PCDHGA1: variants seen among roughly 807,000 people sequenced by gnomAD.
The protein encoded by PCDHGA1 is protocadherin gamma subfamily A, 1, also known as protocadherin gamma-A1.
A neutral mutation model predicts 58.0 loss-of-function variants in PCDHGA1; 32 were observed. The observed-to-expected ratio is 0.55, with a 90% CI of 0.42 to 0.74. The LOEUF (loss-of-function observed/expected upper bound fraction) is 0.74, where lower values mean the gene tolerates loss of function less well. Among genes scored for constraint, PCDHGA1 ranks in the 30% least tolerant of loss-of-function variants. The pLI, the probability that PCDHGA1 is intolerant of heterozygous loss-of-function variation, is 0.00. For synonymous variants in PCDHGA1, 498 were observed against 501.1 expected, an observed-to-expected ratio of 0.99 and a Z score of 0.08; for missense variants, 1,205 against 1,182.3, an observed-to-expected ratio of 1.02 and a Z score of -0.28.
chr5:141,403,832 C>T (rs374600582), intron 1 of PCDHGA1: 1 of 1,613,684 alleles, frequency 6.2e-7, no homozygotes, highest in Non-Finnish European at 8.5e-7. Context: ...GCTATTCCAG[C>T]TTAATGAAAA....
In PCDHGA1 at chr5:141,430,937, G is replaced by C. The variant is rs888990395; in HGVS notation, c.2422-63870G>C. ...CCTGGGGCTGGAGCCCCGGGAGCTC[G>C]CGGAGCGCGGAGTCCGCATCATCCC... On this transcript the variant is annotated intron_variant, in intron 1 of 3. Coordinates refer to ENST00000517417, the MANE Select transcript of PCDHGA1 (RefSeq NM_018912.3). The C allele has an allele frequency of 8.7e-6, 14 of 1,607,498 alleles. No individual in the cohort carries two copies. The highest frequency in any genetic ancestry group is 1.7e-5 in the Admixed American group (1 of 58,732).
intron 2 of PCDHGA1, 91 bp from the exon 3 acceptor site, chr5:141,505,302 G>C: frequency 6.3e-7 from 1 of 1,592,714 alleles, no homozygotes. Context: ...TAGGGTTAGG[G>C]TACTAGGTTT....
At chr5:141,394,159 C>T in intron 1 of PCDHGA1, 1 of 1,613,916 alleles carries the variant, frequency 6.2e-7, no homozygotes, top group Non-Finnish European at 8.5e-7. Context: ...AACGACAACC[C>T]TCCTACTTTC....
chr5:141,358,686 G>T (rs896155075), intron 1 of PCDHGA1, among the ~76,000 whole-genome samples: 1 of 152,120 alleles, frequency 6.6e-6, no homozygotes, highest in Non-Finnish European at 1.5e-5. Flanking sequence ...TGCTTATCAT[G>T]ACATCACTAT....
At chr5:141,413,318 T>C in intron 1 of PCDHGA1, 1 of 1,613,968 alleles carries the variant, frequency 6.2e-7, no homozygotes, top group Non-Finnish European at 8.5e-7. Flanking sequence ...AAAGGCTCTT[T>C]CGTGGGCAAC....
rs199514730 is a variant in PCDHGA1 at position 141,374,139 on chromosome 5, T to C, written c.2421+41034T>C. 615 of 1,609,262 alleles carry C rather than the reference T, an allele frequency of 3.8e-4. No individual in the cohort carries two copies. Among genetic ancestry groups the C allele is most frequent in the Non-Finnish European group, 4.6e-4 (547 of 1,177,006 alleles). ...AGCGAGCAGGTCCTGCTCCTCACGC[T>C]CCTGGGGACGCTGTGGGGGGCCGCG... On this transcript the variant is annotated intron_variant, in intron 1 of 3. Transcript: ENST00000517417.
chr5:141,379,889 C>CTTTTTGTTTTTTTTTTTTT (rs1775944261), intron 1 of PCDHGA1, among the ~76,000 whole-genome samples: 1 of 50,830 alleles, frequency 2.0e-5, no homozygotes, highest in Non-Finnish European at 3.9e-5. Flanking sequence ...GTGAAAGCCT[C>CTTTTTGTTTTTTTTTTTTT]TTTTTTTTTT....
At chr5:141,374,860 A>C in intron 1 of PCDHGA1, 1 of 1,613,772 alleles carries the variant, frequency 6.2e-7, no homozygotes, top group East Asian at 2.2e-5. Context: ...CAGTAGGCAC[A>C]CCAGTGTTGG....
chr5:141,339,535 G>C (rs1244799590), intron 1 of PCDHGA1: 5 of 1,614,080 alleles, frequency 3.1e-6, no homozygotes, highest in Non-Finnish European at 4.2e-6. Flanking sequence ...GAGCTGATGG[G>C]AACAAGTACC....
At chr5:141,352,028 G>C (rs1433594846) in intron 1 of PCDHGA1, 1 of 1,609,284 alleles carries the variant, frequency 6.2e-7, no homozygotes, top group Non-Finnish European at 8.5e-7. Context: ...GGTGGTGGCG[G>C]TGGACGCAGA....
chr5:141,352,099 C>A, intron 1 of PCDHGA1: 1 of 1,605,968 alleles, frequency 6.2e-7, no homozygotes, highest in South Asian at 1.1e-5. Flanking sequence ...CCGGGCTCTT[C>A]AGCCTGGGGT....
At chr5:141,398,827 G>A in intron 1 of PCDHGA1, 1 of 1,613,982 alleles carries the variant, frequency 6.2e-7, no homozygotes, top group East Asian at 2.2e-5. Flanking sequence ...CCAGGTAACC[G>A]ACGCCAATGA....
chr5:141,331,354 G>A lies in PCDHGA1; in HGVS notation c.670G>A (p.Gly224Arg), dbSNP rs1483435682. Residue 224 changes from glycine (G) to arginine (R), a missense_variant, in exon 1 of 4, where the codon GGG becomes AGG. Transcript: ENST00000517417. ...TGATGGGGGTGAACCAGTCCGTTCA[G>A]GGACCCTCAGAATTTACATTCAGGT... ...ASDGGEPVRSGTLRIYIQVVD... is the reference protein window; with the variant it reads ...ASDGGEPVRSRTLRIYIQVVD... 5.0e-6 allele frequency: 8 copies of A among 1,614,034 alleles called. No homozygotes were observed. The highest frequency in any genetic ancestry group is 6.8e-6 in the Non-Finnish European group (8 of 1,180,056).
At position 141,392,616 on chromosome 5, in the gene PCDHGA1, G is replaced by A. The variant is rs912385052; in HGVS notation, c.2421+59511G>A. 8 of 535,918 alleles carry A rather than the reference G, an allele frequency of 1.5e-5. No individual in the cohort carries two copies. In the South Asian group the frequency reaches 2.7e-4, roughly 18 times the overall value. The allele number at this position is 535,918 out of a possible 1,614,324, so 33.2% of individuals were successfully genotyped here. ...CACCTACTGGAAGACAAATGCAACC[G>A]AAAACACTCAGATCTCACACCTCAC... On this transcript the variant is annotated intron_variant, in intron 1 of 3. Transcript: ENST00000517417.
intron 1 of PCDHGA1, chr5:141,414,447 C>A (rs2095748360): frequency 1.2e-6 from 2 of 1,613,848 alleles, no homozygotes; most frequent in East Asian, 2.2e-5. Flanking sequence ...CTTACAATAT[C>A]ACAGTGACAG....
In PCDHGA1 at chr5:141,489,088, G is replaced by GGCA; in HGVS notation, c.2422-5719_2422-5718insGCA. The GGCA allele has an allele frequency of 2.9e-6, 1 of 347,238 alleles. No individual in the cohort carries two copies. Among genetic ancestry groups the GGCA allele is most frequent in the Non-Finnish European group, 5.0e-6 (1 of 200,706 alleles). The allele number at this position is 347,238 out of a possible 1,614,324, so 21.5% of individuals were successfully genotyped here. A position where few individuals can be genotyped will look rare whatever the true frequency, so the allele number is the denominator to read the frequency against. The stretch of plus-strand genomic sequence containing the variant: ...CCCCTGCCCACCCCCGCCACTCGGT[G>GGCA]ACTAAGAACTGCTGCAAGCAGGCAA... On this transcript the variant is annotated intron_variant, in intron 1 of 3. Coordinates refer to ENST00000517417, the MANE Select transcript of PCDHGA1 (RefSeq NM_018912.3). This position sits in a 1 kb window ranked among gnomAD's most constrained non-coding sequence, Gnocchi z 4.5.
chr5:141,444,240 C>T (rs1017550385), intron 1 of PCDHGA1, among the ~76,000 whole-genome samples: 4 of 128,690 alleles, frequency 3.1e-5, no homozygotes, highest in African/African-American at 5.9e-5. Context: ...GGCATGCTCT[C>T]GGCTCACTGC....
intron 1 of PCDHGA1, chr5:141,415,156 A>T: frequency 6.2e-7 from 1 of 1,613,798 alleles, no homozygotes. Flanking sequence ...TCTCTCCGCC[A>T]CTGTCACGCT....
chr5:141,341,452 C>T (rs1266655355), intron 1 of PCDHGA1: 2 of 1,607,398 alleles, frequency 1.2e-6, no homozygotes, highest in South Asian at 1.1e-5. Context: ...AATTCACTTA[C>T]TTGTTTACTA....
Sources: gnomAD v4.1 joint callset for allele counts (sites outside exome capture counted in the v4.1 genomes callset) on GRCh38, gnomAD v4.1.1 for gene constraint, Gnocchi (gnomAD v3.1) non-coding constraint, MANE v1.5 for transcripts, NCBI Gene and HGNC (gene_info 2026-07-23, HGNC 2026-07-21) for gene names.